Variants in NBR1 observed in about 807,000 individuals in gnomAD.
The protein encoded by NBR1 is NBR1 autophagy cargo receptor, also known as next to BRCA1 gene 1 protein.
Under a neutral mutation model 115.5 loss-of-function variants are expected in NBR1, and 59 were observed. The observed-to-expected ratio is 0.51, with a 90% CI of 0.41 to 0.63. The LOEUF (loss-of-function observed/expected upper bound fraction) is 0.63, where lower values mean the gene tolerates loss of function less well. Among genes scored for constraint, NBR1 ranks in the 30% least tolerant of loss-of-function variants. The pLI is 0.00. For synonymous variants in NBR1, 373 were observed against 414.7 expected (o/e 0.90, Z 1.22); for missense variants, 1,043 against 1,150.5 (o/e 0.91, Z 1.35).
intron 16 of NBR1, 114 bp downstream of exon 16, chr17:43,197,220 G>T (rs1265841020): frequency 1.8e-6 from 2 of 1,084,482 alleles, no homozygotes; most frequent in Non-Finnish European, 2.7e-6. Context: ...AGTGATCTTA[G>T]TTAGAAGTTC....
intron 5 of NBR1, among the ~76,000 whole-genome samples, chr17:43,183,450 A>G (rs1303558674): frequency 1.3e-5 from 2 of 148,690 alleles, no homozygotes; most frequent in East Asian, 2.1e-4. Flanking sequence ...CAATCTCTTG[A>G]CCTCATGATC....
At chr17:43,197,476 G>A (rs943649896) in intron 16 of NBR1, among the ~76,000 whole-genome samples, 1 of 150,738 alleles carries the variant, frequency 6.6e-6, no homozygotes, top group Non-Finnish European at 1.5e-5. Flanking sequence ...CCAAGATTGC[G>A]CCACTGCACT....
Position 43,193,217 on chromosome 17 carries a change from A to G in NBR1, c.1197A>G (p.Lys399=), listed in dbSNP as rs1346791347. ...AGTTTATCAAACACTGGAGGATGAA[A>G]AATACAGGAAATGTAAAGTGGAGTG... ...GTKFIKHWRM[K]NTGNVKWSAD... is the part of the protein sequence containing the mutation. The change falls in exon 11 of 21, where the codon AAA becomes AAG. Residue 399 remains lysine, a synonymous_variant. Transcript: ENST00000590996. The G allele has an allele frequency of 3.1e-6, 5 of 1,613,996 alleles. 1 individual carries two copies. In the Middle Eastern group the frequency reaches 6.6e-4, roughly 213 times the overall value.
In NBR1 at chr17:43,195,020, G is replaced by A; in HGVS notation, c.1731G>A (p.Val577=). 6.2e-7 allele frequency: 1 copy of A among 1,613,528 alleles called. No individual in the cohort carries two copies. Among genetic ancestry groups the A allele is most frequent in the Non-Finnish European group, 8.5e-7 (1 of 1,179,652 alleles). The change falls in exon 14 of 21, where the codon GTG becomes GTA. Residue 577 remains valine, a synonymous_variant. Transcript: ENST00000590996. ...ACATTGTTCAAGAGTTGGAGAGAGT[G>A]CCCCACAACACCCCTGTGGGTAAGA... The part of the protein sequence containing the change: ...DINIVQELER[V]PHNTPVDVTP...
chr17:43,199,830 T>C (rs1231561904), intron 16 of NBR1, among the ~76,000 whole-genome samples: 1 of 152,216 alleles, frequency 6.6e-6, no homozygotes, highest in Non-Finnish European at 1.5e-5. Context: ...GCACTGTTAG[T>C]GTATCAGTTT....
chr17:43,199,184 C>T (rs1228778501), intron 16 of NBR1, among the ~76,000 whole-genome samples: 1 of 151,890 alleles, frequency 6.6e-6, no homozygotes, highest in Non-Finnish European at 1.5e-5. Context: ...CTGGGGTCCC[C>T]CTACCTCTGT....
intron 17 of NBR1, 65 bp downstream of exon 17, chr17:43,200,673 T>G: frequency 7.0e-7 from 1 of 1,438,608 alleles, no homozygotes; most frequent in Non-Finnish European, 9.4e-7. Flanking sequence ...GGAATCGACC[T>G]GATCTCAAAA....
At chr17:43,180,873 GT>G (rs1238445672) in intron 5 of NBR1, 56 bp downstream of exon 5, 9 of 1,317,642 alleles carry the variant, frequency 6.8e-6, no homozygotes, top group South Asian at 5.0e-5. Flanking sequence ...TTATGGGTTG[GT>G]TTTTTTTCTT....
At chr17:43,175,464 A>C (rs1023047316) in intron 1 of NBR1, among the ~76,000 whole-genome samples, 2 of 152,240 alleles carry the variant, frequency 1.3e-5, no homozygotes, top group African/African-American at 4.8e-5. Flanking sequence ...AATGTGGTCA[A>C]AATTTAAATA....
intron 5 of NBR1, among the ~76,000 whole-genome samples, chr17:43,184,372 CT>C (rs71160024): frequency 5.2e-5 from 5 of 96,196 alleles, no homozygotes; most frequent in Middle Eastern, 9.3e-3. Context: ...AAATACTATT[CT>C]TTTTTTTTTT....
chr17:43,203,551 T>C (rs2057249011), intron 19 of NBR1, 130 bp from the exon 20 acceptor site: 4 of 585,264 alleles, frequency 6.8e-6, no homozygotes. Context: ...ATGAAAGCAA[T>C]TGTGTTCTCT....
chr17:43,203,724 G>A lies in NBR1; in HGVS notation c.2665G>A (p.Ala889Thr), dbSNP rs2057253272. ...SSIAGGLVKG[A>T]LSVAASAYKA... ...CATTGCTGGAGGACTGGTGAAGGGG[G>A]CTTTGTCTGTTGCTGCCTCTGCATA... The change falls in exon 20 of 21, where the codon GCT (alanine) becomes ACT (threonine). Residue 889 changes from alanine (A) to threonine (T), a missense_variant. Ala to Thr is a moderately conservative substitution (Grantham distance 58). Coordinates refer to ENST00000590996, the MANE Select transcript of NBR1 (RefSeq NM_005899.5). 4.3e-6 allele frequency: 7 copies of A among 1,610,440 alleles called. No homozygotes were observed. The highest frequency in any genetic ancestry group is 2.7e-5 in the African/African-American group (2 of 75,028).
intron 3 of NBR1, 159 bp downstream of exon 3, chr17:43,178,157 G>A (rs753394557): frequency 2.4e-6 from 2 of 837,664 alleles, no homozygotes; most frequent in African/African-American, 1.7e-5. Flanking sequence ...TGCAGCATCT[G>A]AGATGGAGTT....
At chr17:43,191,630 G>A in intron 10 of NBR1, 49 bp downstream of exon 10, 1 of 1,329,244 alleles carries the variant, frequency 7.5e-7, no homozygotes, top group Non-Finnish European at 1.0e-6. Context: ...CCAGCTCTCT[G>A]AAACTGGAAC....
intron 13 of NBR1, 50 bp from the exon 14 acceptor site, chr17:43,194,914 C>T (rs2057031859): frequency 6.9e-7 from 1 of 1,440,244 alleles, no homozygotes; most frequent in Non-Finnish European, 9.7e-7. Context: ...CCCATCAAGA[C>T]ATGGCTCCAG....
intron 9 of NBR1, among the ~76,000 whole-genome samples, chr17:43,191,088 C>T (rs964514609): frequency 2.0e-5 from 3 of 151,788 alleles, no homozygotes; most frequent in Admixed American, 1.3e-4. Flanking sequence ...CCCGCCTCTA[C>T]AAAAAAAATT....
chr17:43,194,320 A>G (rs750863110), intron 12 of NBR1, 30 bp from the exon 13 acceptor site: 5 of 1,586,510 alleles, frequency 3.2e-6, no homozygotes, highest in Non-Finnish European at 4.3e-6. Flanking sequence ...TTGAAGGCCT[A>G]AAATTTGTCT....
intron 1 of NBR1, among the ~76,000 whole-genome samples, chr17:43,174,992 G>T (rs936733951): frequency 9.2e-5 from 14 of 151,684 alleles, no homozygotes; most frequent in Non-Finnish European, 5.9e-5. Context: ...CCAGCTACTC[G>T]AGAGGCTGAG....
chr17:43,193,331 C>G lies in NBR1; in HGVS notation c.1234-17C>G, dbSNP rs2056991774. 1 of 1,612,554 alleles carries G rather than the reference C, an allele frequency of 6.2e-7. No individual in the cohort carries two copies. The highest frequency in any genetic ancestry group is 1.3e-5 in the African/African-American group (1 of 74,872). On this transcript the variant is annotated splice_polypyrimidine_tract_variant and intron_variant, in intron 11 of 20. Transcript: ENST00000590996. ...TCAGCTGACAAGCTTGCTTTCTCTT[C>G]TTACTGTTCTTTTCAGCTCAAGTTC... is the stretch of plus-strand genomic sequence containing the variant.
Sources: allele counts gnomAD v4.1 joint callset (sites outside exome capture counted in the v4.1 genomes callset), GRCh38; gene constraint gnomAD v4.1.1; transcripts MANE v1.5; gene names NCBI Gene and HGNC (gene_info 2026-07-23, HGNC 2026-07-21).